LAMA2: variants seen among roughly 807,000 people sequenced by gnomAD.
LAMA2 encodes the protein laminin subunit alpha 2, also known as laminin subunit alpha-2.
Under a neutral mutation model 364.8 loss-of-function variants are expected in LAMA2, and 269 were observed. That is an observed-to-expected ratio of 0.74 (90% CI 0.67 to 0.82). The LOEUF is 0.82. Ranked by LOEUF, LAMA2 falls within the 40% of genes least tolerant of loss-of-function variation. LAMA2 has a pLI of 0.00. For synonymous variants in LAMA2, 1,379 were observed against 1,370.6 expected (o/e 1.01, Z -0.14); for missense variants, 3,807 against 3,873.2 (o/e 0.98, Z 0.45).
intron 29 of LAMA2, among the ~76,000 whole-genome samples, chr6:129,341,775 C>T (rs1001578300): frequency 6.6e-6 from 1 of 152,186 alleles, no homozygotes. Context: ...GGTATCACCC[C>T]AATGTCTCTT....
At chr6:128,995,184 C>T (rs1192594297) in intron 1 of LAMA2, among the ~76,000 whole-genome samples, 2 of 152,068 alleles carry the variant, frequency 1.3e-5, no homozygotes, top group South Asian at 2.1e-4. Flanking sequence ...GACTGTTTTC[C>T]ATTTTATTTT....
intron 12 of LAMA2, among the ~76,000 whole-genome samples, chr6:129,199,767 A>G (rs1782068747): frequency 6.6e-6 from 1 of 152,118 alleles, no homozygotes; most frequent in Non-Finnish European, 1.5e-5. Flanking sequence ...GGGAAAAGCC[A>G]ATGGCCAAGA....
intron 56 of LAMA2, among the ~76,000 whole-genome samples, chr6:129,487,144 G>A (rs1784631285): frequency 6.6e-6 from 1 of 152,190 alleles, no homozygotes; most frequent in African/African-American, 2.4e-5. Flanking sequence ...CAGGGTCCCT[G>A]CAGAGTGGCT....
rs548346835 is a variant in LAMA2 at position 128,910,070 on chromosome 6, T to C, written c.112+26713T>C. Among the ~76,000 whole-genome samples, 8 of 152,186 alleles carry C rather than the reference T, an allele frequency of 5.3e-5. No individual in the cohort carries two copies. The East Asian group carries it at 1.2e-3, about 22-fold the overall frequency. ...GCTTTCTCTCTGGCTGCCCTTAACA[T>C]TTTTTCCTTCATTTCAACTTTGGTG... On this transcript the variant is annotated intron_variant, in intron 1 of 64. Transcript: ENST00000421865.
At chr6:129,448,765 C>T (rs566917385) in intron 45 of LAMA2, among the ~76,000 whole-genome samples, 1 of 152,230 alleles carries the variant, frequency 6.6e-6, no homozygotes, top group African/African-American at 2.4e-5. Flanking sequence ...ATACTTAATG[C>T]TTAGTGATTT....
At chr6:129,276,982 A>G (rs1788373506) in intron 17 of LAMA2, among the ~76,000 whole-genome samples, 2 of 152,164 alleles carry the variant, frequency 1.3e-5, no homozygotes, top group African/African-American at 4.8e-5. Context: ...ATACATGCTT[A>G]TAAGTAGATT....
At chr6:129,472,350 G>T (rs996249389) in intron 51 of LAMA2, among the ~76,000 whole-genome samples, 1 of 151,828 alleles carries the variant, frequency 6.6e-6, no homozygotes, top group Admixed American at 6.6e-5. Flanking sequence ...ATGTCAATAC[G>T]CATCAAGGAT....
At chr6:129,086,672 G>A (rs1017471496) in intron 3 of LAMA2, among the ~76,000 whole-genome samples, 2 of 152,218 alleles carry the variant, frequency 1.3e-5, no homozygotes, top group African/African-American at 4.8e-5. Context: ...GTCAGGTGAA[G>A]TAGCACAAAT....
intron 4 of LAMA2, among the ~76,000 whole-genome samples, chr6:129,125,786 A>C (rs1434544673): frequency 6.6e-6 from 1 of 152,180 alleles, no homozygotes; most frequent in East Asian, 1.9e-4. Context: ...TAAAAGAGTA[A>C]ATTTCAAATG....
intron 10 of LAMA2, among the ~76,000 whole-genome samples, chr6:129,182,082 T>C (rs963184855): frequency 6.6e-6 from 1 of 150,942 alleles, no homozygotes; most frequent in Admixed American, 6.6e-5. Flanking sequence ...AGTATTTCTA[T>C]ATGTCAGTGA....
chr6:129,017,069 C>A (rs1411814749), intron 1 of LAMA2, among the ~76,000 whole-genome samples: 1 of 151,854 alleles, frequency 6.6e-6, no homozygotes, highest in Non-Finnish European at 1.5e-5. Flanking sequence ...ATCTAGACTT[C>A]TGCATCGCAA....
Position 129,328,358 on chromosome 6 carries a change from A to C in LAMA2, c.4257A>C (p.Pro1419=). The change falls in exon 29 of 65, where the codon CCA becomes CCC. Residue 1419 remains proline, a synonymous_variant. Transcript: ENST00000421865. Reference sequence around the variant, plus strand: ...GACCAACCCTGGGCACCTGTGTTCCATGTCAATGTAATGGACACAGCAGCC... The same window carrying C: ...GACCAACCCTGGGCACCTGTGTTCCCTGTCAATGTAATGGACACAGCAGCC... The part of the protein sequence containing the change: ...TPGPTLGTCV[P]CQCNGHSSLC... 6.2e-7 allele frequency: 1 copy of C among 1,614,166 alleles called. No homozygotes were observed. The highest frequency in any genetic ancestry group is 8.5e-7 in the Non-Finnish European group (1 of 1,180,000).
At chr6:129,272,460 C>A (rs1480934206) in intron 17 of LAMA2, among the ~76,000 whole-genome samples, 1 of 152,080 alleles carries the variant, frequency 6.6e-6, no homozygotes, top group Non-Finnish European at 1.5e-5. Flanking sequence ...TTGTTATTAA[C>A]CTGCTCAGAG....
intron 8 of LAMA2, chr6:129,158,743 C>T: frequency 6.2e-7 from 1 of 1,614,164 alleles, no homozygotes; most frequent in Non-Finnish European, 8.5e-7. Flanking sequence ...ATAAATTGGT[C>T]CGACAACATT....
At chr6:129,354,730 G>C (rs1346681682) in intron 32 of LAMA2, among the ~76,000 whole-genome samples, 1 of 152,148 alleles carries the variant, frequency 6.6e-6, no homozygotes, top group Middle Eastern at 3.2e-3. Context: ...ATCTGGGGTA[G>C]ATAATATAAT....
chr6:129,503,220 G>A lies in LAMA2; in HGVS notation c.8487G>A (p.Leu2829=), dbSNP rs762281061. 6 of 1,613,924 alleles carry A rather than the reference G, an allele frequency of 3.7e-6. No individual in the cohort carries two copies. The East Asian group carries it at 1.3e-4, about 36-fold the overall frequency. Reference sequence around the variant, plus strand: ...GATTGCCCTACTTCAGCTATGACTTGGGGAGTGGGGACACCCACACCATGA... The same window carrying A: ...GATTGCCCTACTTCAGCTATGACTTAGGGAGTGGGGACACCCACACCATGA... ...RNGLPYFSYD[L]GSGDTHTMIP... Residue 2829 remains leucine (L), a synonymous_variant, in exon 60 of 65, where the codon TTG becomes TTA. Coordinates refer to ENST00000421865, the MANE Select transcript of LAMA2 (RefSeq NM_000426.4).
chr6:129,257,209 G>GA (rs567998695), intron 14 of LAMA2, among the ~76,000 whole-genome samples: 26 of 150,520 alleles, frequency 1.7e-4, no homozygotes, highest in East Asian at 1.2e-3. Context: ...TACTGAAGGG[G>GA]AAAAAAAAAT....
intron 1 of LAMA2, among the ~76,000 whole-genome samples, chr6:128,966,881 T>A (rs925191277): frequency 6.6e-6 from 1 of 152,196 alleles, no homozygotes; most frequent in African/African-American, 2.4e-5. Context: ...GGCTTTTTGT[T>A]TTTAATCTGC....
At chr6:128,929,064 T>C (rs1445848021) in intron 1 of LAMA2, 21 of 1,454,004 alleles carry the variant, frequency 1.4e-5, no homozygotes, top group Non-Finnish European at 2.0e-5. Context: ...GGATAGTGGC[T>C]AATGTGGTCA....
Sources: allele counts gnomAD v4.1 joint callset (sites outside exome capture counted in the v4.1 genomes callset), GRCh38; gene constraint gnomAD v4.1.1; transcripts MANE v1.5; gene names NCBI Gene and HGNC (gene_info 2026-07-23, HGNC 2026-07-21).